DLGAP2: variants seen among roughly 807,000 people sequenced by gnomAD.
DLGAP2 encodes disks large-associated protein 2.
In DLGAP2, 26 loss-of-function variants were observed where a neutral mutation model predicts 100.3. The observed-to-expected ratio is 0.26, with a 90% CI of 0.19 to 0.36. DLGAP2 has a LOEUF of 0.36. DLGAP2 is among the 10% of genes least tolerant of loss of function. The pLI is 1.00. For synonymous variants in DLGAP2, 886 were observed against 630.1 expected (o/e 1.41, Z -6.08); for missense variants, 1,858 against 1,453.2 (o/e 1.28, Z -4.53).
intron 3 of DLGAP2, among the ~76,000 whole-genome samples, chr8:1,321,987 G>C (rs1476344): frequency 6.6e-6 from 1 of 152,122 alleles, no homozygotes; most frequent in African/African-American, 2.4e-5. Context: ...GCCCTGAAGC[G>C]TGCTTAAATT....
chr8:1,116,680 C>G (rs1805127881), intron 2 of DLGAP2, among the ~76,000 whole-genome samples: 2 of 152,060 alleles, frequency 1.3e-5, no homozygotes, highest in Admixed American at 6.6e-5. Context: ...CCTGTAGTCC[C>G]AGCTAACTCA....
rs909714596 is a variant in DLGAP2, at chr8:1,704,248, A to T, written c.*2842A>T. The T allele has an allele frequency of 6.6e-6, 1 of 152,282 alleles. No homozygotes were observed. The highest frequency in any genetic ancestry group is 1.5e-5 in the Non-Finnish European group (1 of 68,038). The allele number at this position is 152,282 out of a possible 1,614,324, so 9.4% of individuals were successfully genotyped here. A position where few individuals can be genotyped will look rare whatever the true frequency, so the allele number is the denominator to read the frequency against. On this transcript the variant is annotated 3_prime_UTR_variant, in exon 15 of 15. Transcript: ENST00000637795. ...AAACATCCATTGGAGAACACGGCTG[A>T]AAATTATTGTGCTGTTCTAGGAACA... is the stretch of plus-strand genomic sequence containing the variant.
intron 3 of DLGAP2, among the ~76,000 whole-genome samples, chr8:1,492,239 C>T (rs556023793): frequency 1.2e-4 from 18 of 152,312 alleles, no homozygotes; most frequent in Non-Finnish European, 2.5e-4. Context: ...TGGCTGAGCG[C>T]GGCTGGTGCA....
intron 3 of DLGAP2, among the ~76,000 whole-genome samples, chr8:1,267,601 G>T (rs375726774): frequency 9.6e-6 from 1 of 103,758 alleles, no homozygotes; most frequent in African/African-American, 3.8e-5. Context: ...GATAAGATAA[G>T]ATAAGATAAG....
intron 7 of DLGAP2, among the ~76,000 whole-genome samples, chr8:1,630,701 C>G (rs1436243837): frequency 6.8e-6 from 1 of 147,580 alleles, no homozygotes; most frequent in Non-Finnish European, 1.5e-5. Flanking sequence ...GACTCCATCT[C>G]GAAAAAAAAA....
chr8:900,170 C>G (rs542653801), intron 1 of DLGAP2, among the ~76,000 whole-genome samples: 1 of 150,746 alleles, frequency 6.6e-6, no homozygotes, highest in Non-Finnish European at 1.5e-5. Context: ...GCGTCGCTCC[C>G]GGGCAGACAG....
chr8:1,217,997 C>A (rs767621214), intron 2 of DLGAP2, among the ~76,000 whole-genome samples: 3 of 151,998 alleles, frequency 2.0e-5, no homozygotes, highest in South Asian at 2.1e-4. Flanking sequence ...AGGTATTAGA[C>A]CTTTGTCAGA....
chr8:1,632,816 G>A lies in DLGAP2; in HGVS notation c.1591-11G>A. ...GGGCCGGGGCATCACGTGTGCTGTT[G>A]ATGATTGCAGGTGAGCGAGGCGGAG... On this transcript the variant is annotated splice_polypyrimidine_tract_variant and intron_variant, in intron 7 of 14. Transcript: ENST00000637795. 6.3e-7 allele frequency: 1 copy of A among 1,597,804 alleles called. No individual in the cohort carries two copies. The highest frequency in any genetic ancestry group is 8.5e-7 in the Non-Finnish European group (1 of 1,170,608).
intron 2 of DLGAP2, among the ~76,000 whole-genome samples, chr8:1,196,176 C>T (rs544761617): frequency 1.3e-5 from 2 of 152,324 alleles, no homozygotes; most frequent in Non-Finnish European, 2.9e-5. Context: ...GTTAAAGACC[C>T]TACTTTCATG....
intron 1 of DLGAP2, among the ~76,000 whole-genome samples, chr8:767,283 A>G (rs944423991): frequency 4.0e-5 from 6 of 151,516 alleles, no homozygotes; most frequent in Middle Eastern, 3.2e-3. Flanking sequence ...TGTGGGAGGA[A>G]GTCAAGCAGT....
intron 2 of DLGAP2, among the ~76,000 whole-genome samples, chr8:1,052,145 C>G (rs1371070875): frequency 6.6e-6 from 1 of 152,154 alleles, no homozygotes; most frequent in Non-Finnish European, 1.5e-5. Context: ...CACTGAACTC[C>G]CGTGTCATGA....
chr8:1,436,706 G>C (rs750531278), intron 3 of DLGAP2, among the ~76,000 whole-genome samples: 5 of 151,940 alleles, frequency 3.3e-5, no homozygotes, highest in Non-Finnish European at 1.5e-5. Context: ...CTCGGGCCGC[G>C]CATTCACTCC....
chr8:881,101 A>C (rs1332643209), intron 1 of DLGAP2, among the ~76,000 whole-genome samples: 1 of 152,244 alleles, frequency 6.6e-6, no homozygotes, highest in Non-Finnish European at 1.5e-5. Flanking sequence ...ATTACATAAA[A>C]ATGACTTAGA....
chr8:903,005 G>A (rs1798293632), intron 1 of DLGAP2, among the ~76,000 whole-genome samples: 1 of 125,150 alleles, frequency 8.0e-6, no homozygotes, highest in Non-Finnish European at 1.7e-5. Flanking sequence ...GAAAGTGTGT[G>A]GGTGGGCAGG....
chr8:1,086,607 G>A (rs1217937961), intron 2 of DLGAP2, among the ~76,000 whole-genome samples: 2 of 152,152 alleles, frequency 1.3e-5, no homozygotes, highest in African/African-American at 4.8e-5. Flanking sequence ...GAGAGGAAGA[G>A]TAGTTACATG....
chr8:1,625,023 A>G (rs1468103299), intron 6 of DLGAP2, among the ~76,000 whole-genome samples: 2 of 152,226 alleles, frequency 1.3e-5, no homozygotes, highest in African/African-American at 4.8e-5. Context: ...CTTAATAAGA[A>G]TTCATTGAGT....
chr8:1,241,167 TCAC>T (rs1798785221), intron 2 of DLGAP2, among the ~76,000 whole-genome samples: 1 of 142,350 alleles, frequency 7.0e-6, no homozygotes, highest in African/African-American at 2.6e-5. Flanking sequence ...TCTAGTTCTC[TCAC>T]GTGGCGCCGT....
At chr8:1,326,734 G>C (rs554569768) in intron 3 of DLGAP2, among the ~76,000 whole-genome samples, 2 of 152,328 alleles carry the variant, frequency 1.3e-5, no homozygotes, top group East Asian at 3.9e-4. Context: ...TTGAACCTTA[G>C]TTTCTTCTTC....
At chr8:764,608 T>C (rs554548099) in intron 1 of DLGAP2, among the ~76,000 whole-genome samples, 8 of 152,306 alleles carry the variant, frequency 5.3e-5, no homozygotes, top group Admixed American at 1.3e-4. Context: ...TGTTAGGTAA[T>C]AAAAAATCAC....
Sources: gnomAD v4.1 joint callset for allele counts (sites outside exome capture counted in the v4.1 genomes callset) on GRCh38, gnomAD v4.1.1 for gene constraint, MANE v1.5 for transcripts, NCBI Gene and HGNC (gene_info 2026-07-23, HGNC 2026-07-21) for gene names.